The following EPS8L3 variants were observed in gnomAD, a reference collection of about 807,000 sequenced individuals.
EPS8L3 encodes epidermal growth factor receptor kinase substrate 8-like protein 3.
EPS8L3 carries 80 observed loss-of-function variants against 88.5 expected under a neutral mutation model. The observed-to-expected ratio is 0.90, with a 90% CI of 0.75 to 1.09. The LOEUF is 1.09. EPS8L3 is among the 50% of genes least tolerant of loss of function. The pLI is 0.00. For synonymous variants in EPS8L3, 286 were observed against 291.0 expected, an observed-to-expected ratio of 0.98 and a Z score of 0.18; for missense variants, 721 against 735.2, an observed-to-expected ratio of 0.98 and a Z score of 0.22.
intron 14 of EPS8L3, 175 bp from the exon 15 acceptor site, chr1:109,752,368 T>A: frequency 1.6e-6 from 1 of 643,340 alleles, no homozygotes; most frequent in Non-Finnish European, 2.7e-6. Flanking sequence ...GCAGGAGGGG[T>A]CTGAAATGTC....
chr1:109,750,943 G>T, intron 17 of EPS8L3, 151 bp from the exon 18 acceptor site: 3 of 935,184 alleles, frequency 3.2e-6, no homozygotes, highest in Non-Finnish European at 4.7e-6. Flanking sequence ...AGTAAAGTCA[G>T]CATTTGGCTT....
At chr1:109,752,546 A>G in intron 14 of EPS8L3, 140 bp downstream of exon 14, 2 of 752,900 alleles carry the variant, frequency 2.7e-6, no homozygotes, top group Non-Finnish European at 4.4e-6. Context: ...AAGGTAGGAG[A>G]GGGATGTCCT....
chr1:109,763,709 GC>G (rs752446845), intron 1 of EPS8L3, 112 bp downstream of exon 1: 15 of 152,836 alleles, frequency 9.8e-5, no homozygotes, highest in Non-Finnish European at 1.8e-4. Flanking sequence ...CTGGGCTGCA[GC>G]TGGGAACAGG....
rs1460304020 is a variant in EPS8L3, at chr1:109,759,741, C to T, written c.192G>A (p.Trp64Ter). 1 of 1,614,104 alleles carries T rather than the reference C, an allele frequency of 6.2e-7. No homozygotes were observed. The highest frequency in any genetic ancestry group is 1.7e-5 in the Admixed American group (1 of 60,028). The change falls in exon 4 of 19, where the codon TGG becomes TGA. Residue 64 changes from tryptophan (W) to a stop codon, truncating the protein, a stop_gained. Coordinates refer to ENST00000361965, the MANE Select transcript of EPS8L3 (RefSeq NM_133181.4). LOFTEE classifies it high-confidence loss of function. This position sits in a 1 kb window ranked among gnomAD's most constrained non-coding sequence, Gnocchi z 4.2. ...TGACCTGCAGGATCAAGTCTTGGCT[C>T]CACACCCGGCCCTGTGCATCCATCT... ...LFEMDAQGRVWSQDLILQVRD... is the reference protein window; with the variant it reads ...LFEMDAQGRV
intron 7 of EPS8L3, 34 bp downstream of exon 7, chr1:109,758,490 C>T (rs1650536460): frequency 5.1e-6 from 8 of 1,562,446 alleles, no homozygotes; most frequent in Non-Finnish European, 6.9e-6. Context: ...CATCGAAACC[C>T]TCTCCTTCAC....
chr1:109,752,721 C>G lies in EPS8L3; in HGVS notation c.1201-1G>C. The G allele has an allele frequency of 6.4e-7, 1 of 1,552,048 alleles. No individual in the cohort carries two copies. Among genetic ancestry groups the G allele is most frequent in the Non-Finnish European group, 8.7e-7 (1 of 1,147,100 alleles). On this transcript the variant is annotated splice_acceptor_variant, in intron 13 of 18. Transcript: ENST00000361965. LOFTEE classifies it high-confidence loss of function. ...CAGGGTCCTGGTATCCTAAGGGTGC[C>G]TGTAAGGGACAGAACAGAGAGTGAG...
At position 109,758,657 on chromosome 1, in the gene EPS8L3, T is replaced by A. The variant is rs1239152395; in HGVS notation, c.468A>T (p.Arg156=). The change falls in exon 7 of 19, where the codon CGA becomes CGT. Residue 156 remains arginine, a synonymous_variant. Transcript: ENST00000361965. ...ALEEELEQRP[R]LGGLQPGQDR... is the part of the protein sequence containing the mutation. ...CCTGGCCTGGCTGAAGGCCTCCAAG[T>A]CGAGGTCTGCTGAGGACATGGTAGG... The A allele has an allele frequency of 6.3e-7, 1 of 1,583,694 alleles. No homozygotes were observed. The highest frequency in any genetic ancestry group is 1.2e-5 in the South Asian group (1 of 86,772).
chr1:109,763,589 T>C (rs3738771), intron 1 of EPS8L3, among the ~76,000 whole-genome samples: 54,160 of 151,998 alleles, frequency 0.36, 9,890 homozygotes, highest in African/African-American at 0.43. Flanking sequence ...CATCACCTCA[T>C]AGACCCTGGG....
intron 1 of EPS8L3, among the ~76,000 whole-genome samples, 197 bp from the exon 2 acceptor site, chr1:109,761,970 T>C (rs1245803294): frequency 6.6e-6 from 1 of 152,046 alleles, no homozygotes; most frequent in East Asian, 1.9e-4. Context: ...TGGCTGGGCC[T>C]GGAGGCCCCG....
At chr1:109,758,123 G>T in intron 8 of EPS8L3, 65 bp from the exon 9 acceptor site, 2 of 1,445,324 alleles carry the variant, frequency 1.4e-6, no homozygotes, top group Non-Finnish European at 1.9e-6. Context: ...TCCCCACACT[G>T]CCCCCCGCAC....
rs202018423 is a variant in EPS8L3, at chr1:109,759,339, C to T, written c.304G>A (p.Ala102Thr). The T allele has an allele frequency of 3.4e-5, 55 of 1,614,170 alleles. No homozygotes were observed. Among genetic ancestry groups the T allele is most frequent in the Non-Finnish European group, 4.2e-5 (50 of 1,180,040 alleles). Residue 102 changes from alanine (A) to threonine (T), a missense_variant, in exon 5 of 19, where the codon GCG becomes ACG. Physicochemically the swap from Ala to Thr is moderately conservative, Grantham distance 58 (BLOSUM62 0). Coordinates refer to ENST00000361965, the MANE Select transcript of EPS8L3 (RefSeq NM_133181.4). This position sits in a 1 kb window ranked among gnomAD's most constrained non-coding sequence, Gnocchi z 4.2. Reference protein sequence around the residue: ...RLDSIQAMNVALNTCSYNSIL... With the variant: ...RLDSIQAMNVTLNTCSYNSIL... ...GAGTTGTAGGAACATGTGTTGAGCG[C>T]CACATTCATGGCCTGGATGCTGTCT... is the stretch of plus-strand genomic sequence containing the variant.
In EPS8L3 at chr1:109,758,327, C is replaced by T; in HGVS notation, c.706G>A (p.Glu236Lys). ...CCATCCGCAGTTACCTCGTCCCTCTCTGGGTCCTCGGGGGAAGAGGACCGC... is the reference window on the plus strand; with the variant it reads ...CCATCCGCAGTTACCTCGTCCCTCTTTGGGTCCTCGGGGGAAGAGGACCGC... ...PRRSSSPEDP[E>K]RDEEVLNHVL... Residue 236 changes from glutamate (E) to lysine (K), a missense_variant, in exon 8 of 19, where the codon GAG (glutamate) becomes AAG (lysine). By Grantham distance (56) the Glu-to-Lys change is moderately conservative. Coordinates refer to ENST00000361965, the MANE Select transcript of EPS8L3 (RefSeq NM_133181.4). 1 of 1,613,640 alleles carries T rather than the reference C, an allele frequency of 6.2e-7. No homozygotes were observed. The highest frequency in any genetic ancestry group is 8.5e-7 in the Non-Finnish European group (1 of 1,179,766).
At chr1:109,751,033 G>C (rs935921250) in intron 17 of EPS8L3, among the ~76,000 whole-genome samples, 1 of 152,166 alleles carries the variant, frequency 6.6e-6, no homozygotes, top group East Asian at 1.9e-4. Flanking sequence ...GGCTAAGCTG[G>C]CAGCTGGGGT....
intron 8 of EPS8L3, 32 bp downstream of exon 8, chr1:109,758,284 G>A (rs1378274865): frequency 5.1e-6 from 8 of 1,581,432 alleles, no homozygotes; most frequent in Non-Finnish European, 6.9e-6. Context: ...GGCCCAGAAA[G>A]CCTCAGCAAA....
chr1:109,750,890 G>T (rs1649732142), intron 17 of EPS8L3, 98 bp from the exon 18 acceptor site: 2 of 1,464,788 alleles, frequency 1.4e-6, no homozygotes, highest in Non-Finnish European at 1.9e-6. Flanking sequence ...CGGAGGTTGG[G>T]GTTACAGAAA....
At position 109,759,144 on chromosome 1, in the gene EPS8L3, AGTGTGTGTGTGT is replaced by A. The variant is rs3220009; in HGVS notation, c.406-39_406-28del. ...TGGGAAGCAGCAGTCAGGCAGGCTAAGTGTGTGTGTGTGTGTGTGTGTGTGTGTGTGTGTGTG... is the reference window on the plus strand; with the variant it reads ...TGGGAAGCAGCAGTCAGGCAGGCTAAGTGTGTGTGTGTGTGTGTGTGTGTG... On this transcript the variant is annotated intron_variant, in intron 5 of 18. Transcript: ENST00000361965. This position sits in a 1 kb window ranked among gnomAD's most constrained non-coding sequence, Gnocchi z 4.2. 2,325 of 1,490,768 alleles carry A rather than the reference AGTGTGTGTGTGT, an allele frequency of 1.6e-3. 1 individual carries two copies. Among genetic ancestry groups the A allele is most frequent in the Middle Eastern group, 2.8e-3 (14 of 5,080 alleles). 92.3% of individuals were successfully genotyped at this position (1,490,768 alleles called of 1,614,324 possible). A position where few individuals can be genotyped will look rare whatever the true frequency, so the allele number is the denominator to read the frequency against.
chr1:109,751,141 C>T (rs1328950911), intron 17 of EPS8L3, 137 bp downstream of exon 17: 4 of 762,812 alleles, frequency 5.2e-6, no homozygotes, highest in Non-Finnish European at 8.6e-6. Flanking sequence ...CTGCTCTGTC[C>T]TCTAACTCAG....
In EPS8L3 at chr1:109,752,604, T is replaced by C. The variant is rs757629649; in HGVS notation, c.1235+82A>G. 21 of 1,302,884 alleles carry C rather than the reference T, an allele frequency of 1.6e-5. No homozygotes were observed. The East Asian group carries it at 3.8e-4, about 24-fold the overall frequency. 80.7% of individuals were successfully genotyped at this position (1,302,884 alleles called of 1,614,324 possible). ...AGAGACCCTCTTGGCTCTCTTAAGA[T>C]GTAGAGAGCCAGAGATCCAAAGGAA... On this transcript the variant is annotated intron_variant, in intron 14 of 18. Coordinates refer to ENST00000361965, the MANE Select transcript of EPS8L3 (RefSeq NM_133181.4).
At chr1:109,754,348 T>C (rs924372070) in intron 12 of EPS8L3, among the ~76,000 whole-genome samples, 7 of 152,238 alleles carry the variant, frequency 4.6e-5, no homozygotes, top group African/African-American at 1.7e-4. Flanking sequence ...GTGTTACTTA[T>C]AGCTTTGGGT....
Sources: allele counts gnomAD v4.1 joint callset (sites outside exome capture counted in the v4.1 genomes callset), GRCh38; gene constraint gnomAD v4.1.1; non-coding constraint Gnocchi (gnomAD v3.1); transcripts MANE v1.5; gene names NCBI Gene and HGNC (gene_info 2026-07-23, HGNC 2026-07-21).